The following ESRRA variants were observed in gnomAD, a reference collection of about 807,000 sequenced individuals.
The protein encoded by ESRRA is estrogen related receptor alpha.
ESRRA carries 7 observed loss-of-function variants against 35.6 expected under a neutral mutation model. The observed-to-expected ratio is 0.20, with a 90% CI of 0.11 to 0.37. The LOEUF is 0.37. Ranked by LOEUF, ESRRA falls within the 10% of genes least tolerant of loss-of-function variation. ESRRA has a pLI of 1.00. For synonymous variants in ESRRA, 223 were observed against 246.9 expected (o/e 0.90, Z 0.91); for missense variants, 378 against 561.7 (o/e 0.67, Z 3.31).
At position 64,307,422 on chromosome 11, in the gene ESRRA, C is replaced by G; in HGVS notation, c.243C>G (p.Val81=). 1.3e-6 allele frequency: 2 copies of G among 1,577,902 alleles called. No homozygotes were observed. Among genetic ancestry groups the G allele is most frequent in the Non-Finnish European group, 1.7e-6 (2 of 1,158,872 alleles). ...LSSLPKRLCL[V]CGDVASGYHY... ...CCCTGCCCAAGCGCCTCTGCCTGGT[C>G]TGTGGGGACGTGGCCTCCGGCTACC... is the stretch of plus-strand genomic sequence containing the variant. The change falls in exon 2 of 7, where the codon GTC becomes GTG. Residue 81 remains valine, a synonymous_variant. Coordinates refer to ENST00000000442, the MANE Select transcript of ESRRA (RefSeq NM_004451.5).
At chr11:64,307,576 C>T in intron 2 of ESRRA, 72 bp downstream of exon 2, 1 of 1,207,454 alleles carries the variant, frequency 8.3e-7, no homozygotes, top group South Asian at 2.1e-5. Context: ...CAATAGGCCC[C>T]CTGATGGCTG....
rs530152412 is a variant in ESRRA at position 64,309,692 on chromosome 11, C to T, written c.325+2188C>T. The stretch of plus-strand genomic sequence containing the variant: ...CTCACACCTGTAATCTCAGCACTTT[C>T]GGAGGCTAAGATGGGAGGATCACAA... On this transcript the variant is annotated intron_variant, in intron 2 of 6. Transcript: ENST00000000442. 5.3e-4 allele frequency among the ~76,000 whole-genome samples: 79 copies of T among 149,932 alleles called. 1 individual carries two copies. The South Asian group carries it at 0.015, about 29-fold the overall frequency.
In ESRRA at chr11:64,314,868, C is replaced by G; in HGVS notation, c.699C>G (p.Asp233Glu). The change falls in exon 5 of 7, where the codon GAC becomes GAG. Residue 233 changes from aspartate to glutamate, a missense_variant. Asp to Glu is a conservative substitution (Grantham distance 45). Around this residue, in one of 4 missense-constraint regions of ESRRA, gnomAD observed 284 missense variants for 411.7 expected, o/e 0.69. Transcript: ENST00000000442. ...PAVATLCDLF[D>E]REIVVTISWA... The stretch of plus-strand genomic sequence containing the variant: ...TGGCTACCCTCTGTGACCTCTTTGA[C>G]CGAGAGATTGTGGTCACCATCAGCT... The G allele has an allele frequency of 6.2e-7, 1 of 1,612,406 alleles. No homozygotes were observed. Among genetic ancestry groups the G allele is most frequent in the Non-Finnish European group, 8.5e-7 (1 of 1,180,022 alleles).
At chr11:64,315,631 C>T in intron 6 of ESRRA, 76 bp from the exon 7 acceptor site, 3 of 1,562,926 alleles carry the variant, frequency 1.9e-6, no homozygotes, top group East Asian at 4.5e-5. Context: ...AGGCCCCATC[C>T]AGCAGTGCTC....
In ESRRA at chr11:64,313,898, G is replaced by A. The variant is rs1460468461; in HGVS notation, c.326-53G>A. ...GAGTCAGGGCTCTCCTGTCAGCTGGGTCCCCTCCCAGCCCCGGGAGGCCGC... is the reference window on the plus strand; with the variant it reads ...GAGTCAGGGCTCTCCTGTCAGCTGGATCCCCTCCCAGCCCCGGGAGGCCGC... On this transcript the variant is annotated intron_variant, in intron 2 of 6. Coordinates refer to ENST00000000442, the MANE Select transcript of ESRRA (RefSeq NM_004451.5). The surrounding 1 kb of genome is among the most constrained non-coding windows in gnomAD (Gnocchi z 4.0). 2.3e-6 allele frequency: 3 copies of A among 1,322,990 alleles called. No individual in the cohort carries two copies. Among genetic ancestry groups the A allele is most frequent in the South Asian group, 1.4e-5 (1 of 73,726 alleles). The allele number at this position is 1,322,990 out of a possible 1,614,324, so 82.0% of individuals were successfully genotyped here.
chr11:64,313,948 C>A lies in ESRRA; in HGVS notation c.326-3C>A. The A allele has an allele frequency of 6.4e-7, 1 of 1,564,972 alleles. No individual in the cohort carries two copies. The highest frequency in any genetic ancestry group is 8.7e-7 in the Non-Finnish European group (1 of 1,153,508). On this transcript the variant is annotated splice_region_variant and splice_polypyrimidine_tract_variant and intron_variant, in intron 2 of 6. Transcript: ENST00000000442. This position sits in a 1 kb window ranked among gnomAD's most constrained non-coding sequence, Gnocchi z 4.0. Reference sequence around the variant, plus strand: ...CCACTGGAGCCCTGCCTCTTCCTGGCAGGGAGCATCGAGTACAGCTGTCCG... The same window carrying A: ...CCACTGGAGCCCTGCCTCTTCCTGGAAGGGAGCATCGAGTACAGCTGTCCG...
chr11:64,313,427 G>A lies in ESRRA; in HGVS notation c.326-524G>A, dbSNP rs542790385. ...GGCTGGGGAAGATTGCCATGGGATTGGAGATGAGCTCCAAGGACAGCCCTG... is the reference window on the plus strand; with the variant it reads ...GGCTGGGGAAGATTGCCATGGGATTAGAGATGAGCTCCAAGGACAGCCCTG... On this transcript the variant is annotated intron_variant, in intron 2 of 6. Coordinates refer to ENST00000000442, the MANE Select transcript of ESRRA (RefSeq NM_004451.5). This position sits in a 1 kb window ranked among gnomAD's most constrained non-coding sequence, Gnocchi z 4.0. Among the ~76,000 whole-genome samples the A allele has an allele frequency of 6.6e-6, 1 of 152,346 alleles. No homozygotes were observed. The highest frequency in any genetic ancestry group is 2.1e-4 in the South Asian group (1 of 4,826).
intron 2 of ESRRA, among the ~76,000 whole-genome samples, chr11:64,311,192 C>G (rs1414075014): frequency 6.6e-6 from 1 of 152,216 alleles, no homozygotes; most frequent in Non-Finnish European, 1.5e-5. Context: ...TATGTGGTAG[C>G]CAGAGTCCCT....
intron 1 of ESRRA, chr11:64,306,939 G>C (rs2035045368): frequency 2.5e-6 from 1 of 401,346 alleles, no homozygotes; most frequent in African/African-American, 2.1e-5. Flanking sequence ...GGTTCCCAAG[G>C]GGGAGACCTG....
At chr11:64,308,961 A>G (rs1448170602) in intron 2 of ESRRA, among the ~76,000 whole-genome samples, 1 of 151,762 alleles carries the variant, frequency 6.6e-6, no homozygotes, top group Non-Finnish European at 1.5e-5. Flanking sequence ...CTGAAAATAC[A>G]AAAATTAGCC....
rs762979052 is a variant in ESRRA, at chr11:64,315,017, G to A, written c.759G>A (p.Ser253=). Residue 253 remains serine, a synonymous_variant, in exon 6 of 7, where the codon TCG becomes TCA. Coordinates refer to ENST00000000442, the MANE Select transcript of ESRRA (RefSeq NM_004451.5). ...AKSIPGFSSL[S]LSDQMSVLQS... ...GCCCCCTAGGCTTCTCATCGCTGTC[G>A]CTGTCTGACCAGATGTCAGTACTGC... The A allele has an allele frequency of 2.5e-6, 4 of 1,596,938 alleles. No individual in the cohort carries two copies. In the East Asian group the frequency reaches 6.8e-5, roughly 27 times the overall value.
Position 64,313,130 on chromosome 11 carries a change from G to T in ESRRA, c.326-821G>T, listed in dbSNP as rs191770053. Among the ~76,000 whole-genome samples the T allele has an allele frequency of 2.7e-3, 412 of 152,288 alleles. 1 individual carries two copies. The highest frequency in any genetic ancestry group is 9.5e-3 in the African/African-American group (394 of 41,560). ...GGTGACAGTGACTATCAGGTCAAGG[G>T]TGGAAGTAGTTGCCAGGGGCAGGAG... On this transcript the variant is annotated intron_variant, in intron 2 of 6. Coordinates refer to ENST00000000442, the MANE Select transcript of ESRRA (RefSeq NM_004451.5). This position sits in a 1 kb window ranked among gnomAD's most constrained non-coding sequence, Gnocchi z 4.0.
At chr11:64,314,645 A>G in intron 4 of ESRRA, 96 bp from the exon 5 acceptor site, 1 of 1,257,266 alleles carries the variant, frequency 8.0e-7, no homozygotes, top group East Asian at 2.4e-5. Flanking sequence ...GCTGCTACTG[A>G]GGAAGGCCAC....
In ESRRA at chr11:64,305,852, G is replaced by A. The variant is rs949114817; in HGVS notation, c.-13+116G>A. 5 of 152,086 alleles carry A rather than the reference G, an allele frequency of 3.3e-5. No individual in the cohort carries two copies. Among genetic ancestry groups the A allele is most frequent in the Non-Finnish European group, 4.4e-5 (3 of 67,822 alleles). The allele number at this position is 152,086 out of a possible 1,614,324, so 9.4% of individuals were successfully genotyped here. On this transcript the variant is annotated intron_variant, in intron 1 of 6. Coordinates refer to ENST00000000442, the MANE Select transcript of ESRRA (RefSeq NM_004451.5). This position sits in a 1 kb window ranked among gnomAD's most constrained non-coding sequence, Gnocchi z 5.8. ...GCTGCAGGCGGGGTCCGACTCTGGGGCCAGTCCGGGCCACGGTTGGGACCC... is the reference window on the plus strand; with the variant it reads ...GCTGCAGGCGGGGTCCGACTCTGGGACCAGTCCGGGCCACGGTTGGGACCC...
In ESRRA at chr11:64,307,406, A is replaced by G. The variant is rs2135248318; in HGVS notation, c.227A>G (p.Lys76Arg). Residue 76 changes from lysine (K) to arginine (R), a missense_variant, in exon 2 of 7, where the codon AAG becomes AGG. Around this residue, in one of 4 missense-constraint regions of ESRRA, gnomAD observed 7 missense variants for 40.7 expected, o/e 0.17. Transcript: ENST00000000442. ...AAGCTGGTGCTCAGCTCCCTGCCCA[A>G]GCGCCTCTGCCTGGTCTGTGGGGAC... ...GGKLVLSSLP[K>R]RLCLVCGDVA... is the part of the protein sequence containing the mutation. The G allele has an allele frequency of 6.3e-7, 1 of 1,591,488 alleles. No individual in the cohort carries two copies. The highest frequency in any genetic ancestry group is 2.3e-5 in the East Asian group (1 of 44,374).
At position 64,315,774 on chromosome 11, in the gene ESRRA, G is replaced by A. The variant is rs752898555; in HGVS notation, c.1080G>A (p.Leu360=). The change falls in exon 7 of 7, where the codon CTG becomes CTA. Residue 360 remains leucine (L), a synonymous_variant. Coordinates refer to ENST00000000442, the MANE Select transcript of ESRRA (RefSeq NM_004451.5). ...GAGAAGCTCTGCACGAGGCCCTGCTGGAGTATGAAGCCGGCCGGGCTGGCC... is the reference window on the plus strand; with the variant it reads ...GAGAAGCTCTGCACGAGGCCCTGCTAGAGTATGAAGCCGGCCGGGCTGGCC... ...QLREALHEAL[L]EYEAGRAGPG... is the part of the protein sequence containing the mutation. 4 of 1,613,850 alleles carry A rather than the reference G, an allele frequency of 2.5e-6. No homozygotes were observed. Among genetic ancestry groups the A allele is most frequent in the Non-Finnish European group, 3.4e-6 (4 of 1,179,762 alleles).
rs530417790 is a variant in ESRRA, at chr11:64,310,708, C to T, written c.325+3204C>T. On this transcript the variant is annotated intron_variant, in intron 2 of 6. Transcript: ENST00000000442. Reference sequence around the variant, plus strand: ...GATTACAGGCGCCTGCCACCATGCCCGGCTAATTTTTGTGTTTTTAGTAGG... The same window carrying T: ...GATTACAGGCGCCTGCCACCATGCCTGGCTAATTTTTGTGTTTTTAGTAGG... 2.4e-3 allele frequency among the ~76,000 whole-genome samples: 359 copies of T among 151,968 alleles called. 1 individual carries two copies. Among genetic ancestry groups the T allele is most frequent in the African/African-American group, 8.4e-3 (347 of 41,438 alleles).
intron 2 of ESRRA, among the ~76,000 whole-genome samples, chr11:64,309,146 CA>C (rs901329173): frequency 1.4e-5 from 2 of 139,792 alleles, no homozygotes; most frequent in African/African-American, 2.7e-5. Flanking sequence ...CAAAAAAACC[CA>C]AAAACGCTGG....
intron 6 of ESRRA, 94 bp downstream of exon 6, chr11:64,315,364 G>T: frequency 7.3e-7 from 1 of 1,366,798 alleles, no homozygotes; most frequent in Non-Finnish European, 9.8e-7. Context: ...TGCAGATAAC[G>T]AAAACTGAGG....
Sources: allele counts gnomAD v4.1 joint callset (sites outside exome capture counted in the v4.1 genomes callset), GRCh38; gene constraint gnomAD v4.1.1; regional missense constraint gnomAD v4.1.1; non-coding constraint Gnocchi (gnomAD v3.1); transcripts MANE v1.5; gene names NCBI Gene and HGNC (gene_info 2026-07-23, HGNC 2026-07-21).